The following RTN1 variants were observed in gnomAD, a reference collection of about 807,000 sequenced individuals.
RTN1 encodes the protein reticulon 1.
In RTN1, 25 loss-of-function variants were observed where a neutral mutation model predicts 65.5. The observed-to-expected ratio is 0.38, with a 90% CI of 0.28 to 0.53. RTN1 has a LOEUF of 0.53. Among genes scored for constraint, RTN1 ranks in the 20% least tolerant of loss-of-function variants. The pLI is 0.79. For missense variants in RTN1, 983 were observed against 1,025.4 expected (o/e 0.96, Z 0.57); for synonymous variants, 471 against 447.6 (o/e 1.05, Z -0.66).
chr14:59,764,079 A>G (rs1025495674), intron 1 of RTN1, among the ~76,000 whole-genome samples: 2 of 152,140 alleles, frequency 1.3e-5, no homozygotes, highest in African/African-American at 4.8e-5. Context: ...ACCAAAGGTG[A>G]AGTAATGAGT....
rs753908984 is a variant in RTN1 at position 59,746,248 on chromosome 14, G to A, written c.475C>T (p.Arg159Cys). ...CCAGAATCAGAACTAAATAAGCCAC[G>A]AGACTCTATCCCAGGCACATCTGGT... is the stretch of plus-strand genomic sequence containing the variant. ...SLPDVPGIES[R>C]GLFSSDSGIE... Residue 159 changes from arginine to cysteine, a missense_variant, in exon 2 of 9, where the codon CGT becomes TGT. Transcript: ENST00000267484. 1.2e-5 allele frequency: 20 copies of A among 1,613,048 alleles called. No individual in the cohort carries two copies. Among genetic ancestry groups the A allele is most frequent in the East Asian group, 4.5e-5 (2 of 44,882 alleles).
chr14:59,788,080 A>ATT (rs1321614048), intron 1 of RTN1, among the ~76,000 whole-genome samples: 1 of 152,208 alleles, frequency 6.6e-6, no homozygotes, highest in Non-Finnish European at 1.5e-5. Context: ...ATTCGCAGGT[A>ATT]TTTCATTGTA....
At chr14:59,801,983 T>G (rs1886554953) in intron 1 of RTN1, among the ~76,000 whole-genome samples, 1 of 152,140 alleles carries the variant, frequency 6.6e-6, no homozygotes, top group Admixed American at 6.5e-5. Context: ...ACCTTATTAA[T>G]TACTCCCCAA....
intron 2 of RTN1, among the ~76,000 whole-genome samples, chr14:59,734,124 C>A (rs1290854439): frequency 1.3e-5 from 2 of 152,024 alleles, no homozygotes; most frequent in Non-Finnish European, 2.9e-5. Context: ...AGTGGACCCC[C>A]AAAAAACTGC....
At chr14:59,826,255 T>A (rs1887028986) in intron 1 of RTN1, among the ~76,000 whole-genome samples, 1 of 152,198 alleles carries the variant, frequency 6.6e-6, no homozygotes, top group South Asian at 2.1e-4. Flanking sequence ...CTAGATAACC[T>A]TTGGAAAGTG....
intron 3 of RTN1, among the ~76,000 whole-genome samples, chr14:59,636,133 A>G (rs1882660357): frequency 6.6e-6 from 1 of 152,238 alleles, no homozygotes; most frequent in Admixed American, 6.5e-5. Context: ...TAAAGTAGAA[A>G]TGGAAAATGC....
At chr14:59,610,730 TG>T (rs1881922186) in intron 3 of RTN1, among the ~76,000 whole-genome samples, 1 of 152,216 alleles carries the variant, frequency 6.6e-6, no homozygotes, top group African/African-American at 2.4e-5. Flanking sequence ...AGATTGCCTT[TG>T]TAGGACTAAC....
At chr14:59,676,914 G>A (rs1883639245) in intron 3 of RTN1, among the ~76,000 whole-genome samples, 1 of 152,176 alleles carries the variant, frequency 6.6e-6, no homozygotes, top group East Asian at 1.9e-4. Flanking sequence ...GAGGTATGAT[G>A]GTAGCCCAAA....
At chr14:59,624,978 A>G (rs1882354532) in intron 3 of RTN1, among the ~76,000 whole-genome samples, 1 of 152,240 alleles carries the variant, frequency 6.6e-6, no homozygotes, top group Non-Finnish European at 1.5e-5. Flanking sequence ...ATTCTATTAT[A>G]AGGTAACTTA....
At chr14:59,620,758 A>G (rs1401907489) in intron 3 of RTN1, among the ~76,000 whole-genome samples, 1 of 152,250 alleles carries the variant, frequency 6.6e-6, no homozygotes, top group Non-Finnish European at 1.5e-5. Context: ...TTGGGGATCC[A>G]TTCAATAGAA....
At chr14:59,746,864 T>C (rs952378278) in intron 1 of RTN1, among the ~76,000 whole-genome samples, 3 of 152,064 alleles carry the variant, frequency 2.0e-5, no homozygotes, top group African/African-American at 7.2e-5. Context: ...TAAGTAGAGG[T>C]GGAAATTAGG....
At chr14:59,855,723 C>T (rs1887594950) in intron 1 of RTN1, among the ~76,000 whole-genome samples, 3 of 152,188 alleles carry the variant, frequency 2.0e-5, no homozygotes, top group Admixed American at 6.5e-5. Context: ...TCAGTCTCAT[C>T]ACTGAGCAGT....
At chr14:59,828,928 G>A (rs1887079434) in intron 1 of RTN1, among the ~76,000 whole-genome samples, 1 of 152,142 alleles carries the variant, frequency 6.6e-6, no homozygotes, top group African/African-American at 2.4e-5. Context: ...ATAATTCTAT[G>A]CCTAATGGAA....
At chr14:59,860,304 C>T (rs998686178) in intron 1 of RTN1, among the ~76,000 whole-genome samples, 8 of 152,208 alleles carry the variant, frequency 5.3e-5, no homozygotes, top group African/African-American at 1.9e-4. Flanking sequence ...AGGGTGCAAA[C>T]CCCAAGCCTT....
chr14:59,835,055 T>C (rs1054323512), intron 1 of RTN1, among the ~76,000 whole-genome samples: 20 of 152,222 alleles, frequency 1.3e-4, no homozygotes, highest in Non-Finnish European at 2.5e-4. Flanking sequence ...GTACATAATG[T>C]TGATAACAGC....
chr14:59,627,613 T>A (rs1447152793), intron 3 of RTN1, among the ~76,000 whole-genome samples: 1 of 152,228 alleles, frequency 6.6e-6, no homozygotes, highest in Non-Finnish European at 1.5e-5. Context: ...TATTTGGTGG[T>A]AGTATAACTT....
intron 1 of RTN1, among the ~76,000 whole-genome samples, chr14:59,826,443 C>A (rs1287979246): frequency 2.0e-5 from 3 of 152,150 alleles, no homozygotes; most frequent in Non-Finnish European, 4.4e-5. Flanking sequence ...TGAGCTATGT[C>A]TATGTCACCT....
chr14:59,735,603 G>T (rs894665053), intron 2 of RTN1, among the ~76,000 whole-genome samples: 1 of 152,044 alleles, frequency 6.6e-6, no homozygotes, highest in African/African-American at 2.4e-5. Context: ...TTCTGACAAA[G>T]CAGATTTTAA....
intron 4 of RTN1, among the ~76,000 whole-genome samples, chr14:59,606,874 AC>A (rs141796361): frequency 0.043 from 6,579 of 152,216 alleles, 185 homozygotes; most frequent in Middle Eastern, 0.12. Flanking sequence ...GGAAATAAAG[AC>A]CCAAATACCC....
Sources: allele counts gnomAD v4.1 joint callset (sites outside exome capture counted in the v4.1 genomes callset), GRCh38; gene constraint gnomAD v4.1.1; transcripts MANE v1.5; gene names NCBI Gene and HGNC (gene_info 2026-07-23, HGNC 2026-07-21).